The following ACYP2 variants were observed in gnomAD, a reference collection of about 807,000 sequenced individuals.
The protein encoded by ACYP2 is acylphosphatase-2.
Under a neutral mutation model 11.2 loss-of-function variants are expected in ACYP2, and 12 were observed. The observed-to-expected ratio is 1.08, with a 90% CI of 0.69 to 1.74. The LOEUF (loss-of-function observed/expected upper bound fraction) is 1.74, where lower values mean the gene tolerates loss of function less well. ACYP2 is among the 40% of genes most tolerant of loss of function. The pLI, the probability that ACYP2 is intolerant of heterozygous loss-of-function variation, is 0.00. For missense variants in ACYP2, 134 were observed against 101.9 expected (o/e 1.31, Z -1.35); for synonymous variants, 43 against 32.2 (o/e 1.33, Z -1.13).
intron 6 of ACYP2, among the ~76,000 whole-genome samples, chr2:54,218,530 A>T (rs1215065152): frequency 1.3e-5 from 2 of 152,172 alleles, no homozygotes; most frequent in Admixed American, 1.3e-4. Flanking sequence ...TTATTTTAAA[A>T]TTTTTATTCA....
intron 4 of ACYP2, among the ~76,000 whole-genome samples, chr2:54,128,546 A>T (rs565929177): frequency 3.8e-4 from 58 of 152,252 alleles, no homozygotes; most frequent in Non-Finnish European, 4.4e-5. Context: ...GTGCACCTGT[A>T]GTTCTAGCTA....
chr2:54,289,682 CT>C (rs1689220294), intron 6 of ACYP2, among the ~76,000 whole-genome samples: 1 of 151,922 alleles, frequency 6.6e-6, no homozygotes, highest in African/African-American at 2.4e-5. Context: ...AGGCAGCCAC[CT>C]ACCAACTAAA....
rs1675849876 is a variant in ACYP2, at chr2:54,051,223, T to A, written c.155+173T>A. ...AATAACTAAAAATGGGCAAAGGAGA[T>A]CCTAAGAAGCTGAGAGGCAAAATGT... On this transcript the variant is annotated intron_variant, in intron 3 of 6. Coordinates refer to ENST00000607452, the MANE Select transcript of ACYP2 (RefSeq NM_001320586.2). 3.5e-6 allele frequency: 3 copies of A among 848,736 alleles called. No homozygotes were observed. The East Asian group carries it at 7.2e-5, about 20-fold the overall frequency. 52.6% of individuals were successfully genotyped at this position (848,736 alleles called of 1,614,324 possible).
chr2:54,299,638 C>T (rs1689648828), intron 6 of ACYP2, among the ~76,000 whole-genome samples: 1 of 151,236 alleles, frequency 6.6e-6, no homozygotes, highest in Admixed American at 6.6e-5. Context: ...CCTAAGACCA[C>T]AGCTCAGCAG....
intron 2 of ACYP2, among the ~76,000 whole-genome samples, chr2:53,991,445 G>A (rs375925521): frequency 2.7e-5 from 4 of 145,782 alleles, no homozygotes; most frequent in East Asian, 2.0e-4. Context: ...TCACTCTTTC[G>A]CCCAGGTTGG....
At chr2:54,225,184 C>T (rs1685961665) in intron 6 of ACYP2, among the ~76,000 whole-genome samples, 1 of 152,166 alleles carries the variant, frequency 6.6e-6, no homozygotes, top group Non-Finnish European at 1.5e-5. Flanking sequence ...GTCCTTCGCC[C>T]TCAAGAAATT....
At position 54,304,231 on chromosome 2, in the gene ACYP2, TGTG is replaced by T. The variant is rs1302644879; in HGVS notation, c.405-456_405-454del. Among the ~76,000 whole-genome samples, 1,047 of 151,664 alleles carry T rather than the reference TGTG, an allele frequency of 6.9e-3. 12 individuals carry two copies. Among genetic ancestry groups the T allele is most frequent in the African/African-American group, 0.024 (981 of 41,474 alleles). On this transcript the variant is annotated intron_variant, in intron 6 of 6. Transcript: ENST00000607452. ...TTATATATATGTCTGTGTGTGTGTG[TGTG>T]TGTGTGTGTGTGTGTAGAGATATAT...
At chr2:54,031,630 A>G (rs1468370205) in intron 2 of ACYP2, among the ~76,000 whole-genome samples, 12 of 152,140 alleles carry the variant, frequency 7.9e-5, no homozygotes, top group African/African-American at 2.9e-4. Flanking sequence ...TAGTCCTTTG[A>G]GTATATGCCC....
chr2:54,230,896 T>G (rs1686209298), intron 6 of ACYP2, among the ~76,000 whole-genome samples: 1 of 144,648 alleles, frequency 6.9e-6, no homozygotes, highest in South Asian at 2.3e-4. Flanking sequence ...AATGGCACAA[T>G]CTCGGCTCAC....
At chr2:54,056,817 G>A (rs1194094403) in intron 3 of ACYP2, among the ~76,000 whole-genome samples, 1 of 151,698 alleles carries the variant, frequency 6.6e-6, no homozygotes, top group African/African-American at 2.4e-5. Context: ...CCTATATTAA[G>A]AATATAATGA....
rs1029268592 is a variant in ACYP2, at chr2:54,228,978, T to C, written c.405-75710T>C. Among the ~76,000 whole-genome samples the C allele has an allele frequency of 2.0e-5, 3 of 152,160 alleles. No individual in the cohort carries two copies. In the South Asian group the frequency reaches 6.2e-4, roughly 32 times the overall value. ...CAGCATTTCTTGACAAAAGATTTCTTATGTTATCTCCCCTACTGAGGGCTG... is the reference window on the plus strand; with the variant it reads ...CAGCATTTCTTGACAAAAGATTTCTCATGTTATCTCCCCTACTGAGGGCTG... On this transcript the variant is annotated intron_variant, in intron 6 of 6. Transcript: ENST00000607452.
At chr2:54,159,157 C>G (rs1682588335) in intron 6 of ACYP2, among the ~76,000 whole-genome samples, 1 of 151,222 alleles carries the variant, frequency 6.6e-6, no homozygotes, top group Non-Finnish European at 1.5e-5. Flanking sequence ...CTGCTAAAGT[C>G]AAGCTCCCTG....
At chr2:54,167,395 T>C (rs935206124) in intron 6 of ACYP2, among the ~76,000 whole-genome samples, 5 of 152,260 alleles carry the variant, frequency 3.3e-5, no homozygotes, top group African/African-American at 2.4e-5. Context: ...TGAAAAGATA[T>C]AATGGTGGCA....
intron 4 of ACYP2, among the ~76,000 whole-genome samples, chr2:54,062,613 A>C (rs751829647): frequency 6.6e-6 from 1 of 152,264 alleles, no homozygotes; most frequent in Non-Finnish European, 1.5e-5. Flanking sequence ...GCACAAAGGC[A>C]AAGAGTTTTA....
intron 6 of ACYP2, chr2:54,255,572 C>T (rs776734397): frequency 1.7e-6 from 2 of 1,178,768 alleles, no homozygotes; most frequent in South Asian, 1.5e-5. Context: ...TTCAGGGGCC[C>T]GGGCCCGGGC....
At chr2:54,208,584 C>T (rs1424331767) in intron 6 of ACYP2, among the ~76,000 whole-genome samples, 1 of 152,014 alleles carries the variant, frequency 6.6e-6, no homozygotes, top group Non-Finnish European at 1.5e-5. Flanking sequence ...AAATTATTTT[C>T]TTAGCTCCAA....
intron 6 of ACYP2, among the ~76,000 whole-genome samples, chr2:54,264,347 C>T (rs761364344): frequency 2.3e-4 from 35 of 152,152 alleles, no homozygotes; most frequent in Non-Finnish European, 4.9e-4. Flanking sequence ...CTGGCTCTGG[C>T]GGTCAGCTTT....
At chr2:54,123,808 A>T (rs1448845636) in intron 4 of ACYP2, among the ~76,000 whole-genome samples, 2 of 152,138 alleles carry the variant, frequency 1.3e-5, no homozygotes, top group Non-Finnish European at 2.9e-5. Context: ...TGGAGAAACC[A>T]CTAACTCCCA....
intron 6 of ACYP2, among the ~76,000 whole-genome samples, chr2:54,274,077 T>G (rs533318186): frequency 3.8e-4 from 58 of 152,250 alleles, no homozygotes; most frequent in African/African-American, 1.4e-3. Flanking sequence ...ACTGAGCAAT[T>G]TACAAAAGAA....
Sources: allele counts gnomAD v4.1 joint callset (sites outside exome capture counted in the v4.1 genomes callset), GRCh38; gene constraint gnomAD v4.1.1; transcripts MANE v1.5; gene names NCBI Gene and HGNC (gene_info 2026-07-23, HGNC 2026-07-21).